The following CSMD2 variants were observed in gnomAD, a reference collection of about 807,000 sequenced individuals.
The protein encoded by CSMD2 is CUB and sushi domain-containing protein 2.
CSMD2 carries 130 observed loss-of-function variants against 398.5 expected under a neutral mutation model. The ratio of observed to expected loss-of-function variants is 0.33; its 90% CI spans 0.28 to 0.38. The LOEUF is 0.38. CSMD2 is among the 10% of genes least tolerant of loss of function. The probability of loss-of-function intolerance (pLI) is 1.00; values close to 1 mark genes in which losing one functional copy is unlikely to be tolerated. For missense variants in CSMD2, 3,829 were observed against 4,764.9 expected, an observed-to-expected ratio of 0.80 and a Z score of 5.78; for synonymous variants, 1,828 against 1,908.5, an observed-to-expected ratio of 0.96 and a Z score of 1.10.
intron 25 of CSMD2, among the ~76,000 whole-genome samples, chr1:33,690,026 C>A (rs1037585981): frequency 1.3e-5 from 2 of 152,142 alleles, no homozygotes; most frequent in Non-Finnish European, 2.9e-5. Context: ...GCCTCCTCGT[C>A]CCCAGCCACA....
chr1:33,847,820 G>C (rs993275744), intron 5 of CSMD2, among the ~76,000 whole-genome samples: 2 of 152,072 alleles, frequency 1.3e-5, no homozygotes, highest in African/African-American at 4.8e-5. Context: ...AAAACATGGG[G>C]ATCATGATGA....
At chr1:34,075,775 C>T (rs1440198240) in intron 2 of CSMD2, among the ~76,000 whole-genome samples, 1 of 152,192 alleles carries the variant, frequency 6.6e-6, no homozygotes, top group Non-Finnish European at 1.5e-5. Context: ...AGGATGTCTG[C>T]CAGCACGGAG....
chr1:33,657,683 A>G (rs1643991020), intron 27 of CSMD2, among the ~76,000 whole-genome samples: 1 of 152,184 alleles, frequency 6.6e-6, no homozygotes. Flanking sequence ...AGAGAAAGGG[A>G]CAGACCTGTC....
chr1:34,077,870 G>A (rs939054171), intron 2 of CSMD2, among the ~76,000 whole-genome samples: 7 of 151,834 alleles, frequency 4.6e-5, no homozygotes, highest in South Asian at 2.1e-4. Flanking sequence ...ACAACTAGAA[G>A]CCCAAACCCC....
intron 1 of CSMD2, among the ~76,000 whole-genome samples, chr1:34,147,120 T>C (rs1489131464): frequency 6.6e-6 from 1 of 151,910 alleles, no homozygotes; most frequent in Non-Finnish European, 1.5e-5. Context: ...TAGCTGGGCA[T>C]GGTGGCAGGC....
intron 3 of CSMD2, among the ~76,000 whole-genome samples, chr1:34,023,878 G>A (rs1050366173): frequency 1.3e-5 from 2 of 152,176 alleles, no homozygotes; most frequent in Non-Finnish European, 2.9e-5. Context: ...AAACCTAACC[G>A]GGCATGAGAG....
intron 21 of CSMD2, 72 bp from the exon 22 acceptor site, chr1:33,709,330 A>C: frequency 7.4e-7 from 1 of 1,355,552 alleles, no homozygotes; most frequent in South Asian, 1.4e-5. Flanking sequence ...CACAGCTCTG[A>C]AGAACCTGAC....
chr1:33,814,087 A>G (rs994179706), intron 9 of CSMD2: 4 of 152,134 alleles, frequency 2.6e-5, no homozygotes, highest in African/African-American at 9.7e-5. Flanking sequence ...GTTGACAGCA[A>G]TATCTCCTCT....
chr1:33,674,739 A>C (rs1644640216), intron 25 of CSMD2, among the ~76,000 whole-genome samples: 1 of 152,230 alleles, frequency 6.6e-6, no homozygotes, highest in South Asian at 2.1e-4. Flanking sequence ...GTAAAAGAAC[A>C]GAAATTATAA....
At position 33,858,803 on chromosome 1, in the gene CSMD2, C is replaced by G. The variant is rs188100480; in HGVS notation, c.921-11807G>C. ...ACTGGCCATCAAAGCAGCAGCCACA[C>G]TGCTCCAGCAACTCAACAGCTATTT... On this transcript the variant is annotated intron_variant, in intron 5 of 70. Coordinates refer to ENST00000373381, the MANE Select transcript of CSMD2 (RefSeq NM_001281956.2). Among the ~76,000 whole-genome samples the G allele has an allele frequency of 5.3e-4, 81 of 152,284 alleles. 1 individual carries two copies. Among genetic ancestry groups the G allele is most frequent in the African/African-American group, 1.9e-3 (79 of 41,572 alleles).
chr1:34,093,261 T>C (rs1658863015), intron 1 of CSMD2, among the ~76,000 whole-genome samples: 1 of 152,056 alleles, frequency 6.6e-6, no homozygotes, highest in Non-Finnish European at 1.5e-5. Flanking sequence ...CATCTGTACA[T>C]CGCCATCATC....
chr1:33,718,701 T>A (rs1480888267), intron 19 of CSMD2, among the ~76,000 whole-genome samples: 2 of 152,200 alleles, frequency 1.3e-5, no homozygotes, highest in African/African-American at 4.8e-5. Flanking sequence ...CCCAAATGAT[T>A]TATACACACT....
At chr1:33,615,104 A>C (rs1360149984) in intron 39 of CSMD2, among the ~76,000 whole-genome samples, 1 of 152,178 alleles carries the variant, frequency 6.6e-6, no homozygotes, top group Non-Finnish European at 1.5e-5. Flanking sequence ...TATATATTTC[A>C]GGGGGCAGGG....
chr1:33,903,168 A>T (rs1217639039), intron 5 of CSMD2, among the ~76,000 whole-genome samples: 1 of 152,218 alleles, frequency 6.6e-6, no homozygotes, highest in Non-Finnish European at 1.5e-5. Flanking sequence ...AGTGATATTT[A>T]ACACATTTCT....
intron 47 of CSMD2, among the ~76,000 whole-genome samples, chr1:33,583,339 C>T (rs969237078): frequency 2.6e-5 from 4 of 152,084 alleles, no homozygotes; most frequent in Non-Finnish European, 5.9e-5. Context: ...GGAGGAAGCA[C>T]ACTCTTCACT....
At chr1:34,150,875 AT>A (rs1484271805) in intron 1 of CSMD2, among the ~76,000 whole-genome samples, 2 of 152,154 alleles carry the variant, frequency 1.3e-5, no homozygotes, top group African/African-American at 4.8e-5. Flanking sequence ...AGACATGATC[AT>A]ACCACTGCAC....
Position 33,652,899 on chromosome 1 carries a change from C to T in CSMD2, c.4448-438G>A, listed in dbSNP as rs182892044. Among the ~76,000 whole-genome samples, 450 of 152,230 alleles carry T rather than the reference C, an allele frequency of 3.0e-3. 4 individuals are homozygous for T. Among genetic ancestry groups the T allele is most frequent in the African/African-American group, 0.01 (424 of 41,550 alleles). The stretch of plus-strand genomic sequence containing the variant: ...CCTCCCAAGCAGCTGGGACTACAGG[C>T]GCCCGCCACCATGCCCACCTAATTT... On this transcript the variant is annotated intron_variant, in intron 27 of 70. Coordinates refer to ENST00000373381, the MANE Select transcript of CSMD2 (RefSeq NM_001281956.2).
intron 6 of CSMD2, among the ~76,000 whole-genome samples, chr1:33,829,159 C>G (rs1220144903): frequency 6.6e-6 from 1 of 152,134 alleles, no homozygotes; most frequent in African/African-American, 2.4e-5. Flanking sequence ...GGTCACAGCT[C>G]TTTGGGCAAG....
At chr1:33,728,044 G>A (rs996150493) in intron 15 of CSMD2, among the ~76,000 whole-genome samples, 2 of 152,190 alleles carry the variant, frequency 1.3e-5, no homozygotes, top group African/African-American at 4.8e-5. Context: ...TAGGAAAGCT[G>A]AGGCTTACGG....
Sources: gnomAD v4.1 joint callset for allele counts (sites outside exome capture counted in the v4.1 genomes callset) on GRCh38, gnomAD v4.1.1 for gene constraint, MANE v1.5 for transcripts, NCBI Gene and HGNC (gene_info 2026-07-23, HGNC 2026-07-21) for gene names.